Variants in RASGRP1 observed in about 807,000 individuals in gnomAD.
The protein encoded by RASGRP1 is RAS guanyl releasing protein 1, also known as RAS guanyl-releasing protein 1.
A neutral mutation model predicts 95.1 loss-of-function variants in RASGRP1; 37 were observed. That is an observed-to-expected ratio of 0.39 (90% CI 0.30 to 0.51). The LOEUF (loss-of-function observed/expected upper bound fraction) is 0.51. Among genes scored for constraint, RASGRP1 ranks in the 20% least tolerant of loss-of-function variants. The pLI is 0.80. For missense variants in RASGRP1, 711 were observed against 965.4 expected (o/e 0.74, Z 3.49); for synonymous variants, 325 against 353.4 (o/e 0.92, Z 0.90).
intron 3 of RASGRP1, among the ~76,000 whole-genome samples, chr15:38,521,271 T>G (rs1289481323): frequency 6.6e-6 from 1 of 152,210 alleles, no homozygotes; most frequent in Non-Finnish European, 1.5e-5. Flanking sequence ...TGTTGAAATT[T>G]TTATTCTTCC....
At chr15:38,500,816 A>G (rs1369632040) in intron 13 of RASGRP1, among the ~76,000 whole-genome samples, 5 of 152,222 alleles carry the variant, frequency 3.3e-5, no homozygotes, top group Non-Finnish European at 5.9e-5. Context: ...AGCCAAGGTT[A>G]TCTCCTAAAG....
chr15:38,564,512 G>C lies in RASGRP1; in HGVS notation c.35+82C>G, dbSNP rs529893737. The C allele has an allele frequency of 2.5e-4, 300 of 1,197,836 alleles. 1 individual carries two copies. The African/African-American group carries it at 4.4e-3, about 17-fold the overall frequency. 74.2% of individuals were successfully genotyped at this position (1,197,836 alleles called of 1,614,324 possible). ...CCCCCCTCCGCCCTCAACTTCCCTC[G>C]GGGTGTTGGGGCGACGGGCAGGGGC... On this transcript the variant is annotated intron_variant, in intron 1 of 16. Coordinates refer to ENST00000310803, the MANE Select transcript of RASGRP1 (RefSeq NM_005739.4).
chr15:38,558,758 A>G (rs1025410920), intron 2 of RASGRP1, among the ~76,000 whole-genome samples: 1 of 152,240 alleles, frequency 6.6e-6, no homozygotes, highest in African/African-American at 2.4e-5. Flanking sequence ...GCTGTACTAC[A>G]TTGTACTAAA....
intron 2 of RASGRP1, among the ~76,000 whole-genome samples, chr15:38,554,253 G>C (rs1566938130): frequency 6.6e-6 from 1 of 152,098 alleles, no homozygotes; most frequent in East Asian, 1.9e-4. Flanking sequence ...TAACTTCCCT[G>C]AGCTACAATT....
intron 2 of RASGRP1, among the ~76,000 whole-genome samples, chr15:38,549,254 AGT>A (rs2141181300): frequency 6.6e-6 from 1 of 152,346 alleles, no homozygotes; most frequent in South Asian, 2.1e-4. Context: ...AAGGGCAGAG[AGT>A]GTGAAAAATC....
At chr15:38,520,190 T>C (rs1891948058) in intron 3 of RASGRP1, among the ~76,000 whole-genome samples, 1 of 152,210 alleles carries the variant, frequency 6.6e-6, no homozygotes, top group Admixed American at 6.5e-5. Context: ...GACTGAGGCA[T>C]CAGGCTATGT....
At chr15:38,553,885 C>T (rs1320468706) in intron 2 of RASGRP1, among the ~76,000 whole-genome samples, 1 of 152,192 alleles carries the variant, frequency 6.6e-6, no homozygotes. Flanking sequence ...GTTCACATAG[C>T]TGAAAAACCT....
chr15:38,507,696 T>C, intron 9 of RASGRP1, 30 bp downstream of exon 9: 2 of 1,547,060 alleles, frequency 1.3e-6, no homozygotes, highest in Non-Finnish European at 1.7e-6. Flanking sequence ...CAGAAAGTGC[T>C]TAGTAATTGT....
intron 5 of RASGRP1, 34 bp from the exon 6 acceptor site, chr15:38,516,384 G>A (rs1452994743): frequency 6.3e-7 from 1 of 1,589,148 alleles, no homozygotes; most frequent in East Asian, 2.2e-5. Context: ...GAGAAGACAG[G>A]GAAAAGGAAT....
At chr15:38,554,070 G>A (rs1163379548) in intron 2 of RASGRP1, among the ~76,000 whole-genome samples, 2 of 152,130 alleles carry the variant, frequency 1.3e-5, no homozygotes, top group Non-Finnish European at 2.9e-5. Flanking sequence ...GCAATCTCTG[G>A]GGTTGACTGT....
chr15:38,525,029 G>A (rs753721707), intron 3 of RASGRP1, among the ~76,000 whole-genome samples: 2 of 150,150 alleles, frequency 1.3e-5, no homozygotes, highest in Non-Finnish European at 3.0e-5. Flanking sequence ...GTGCAGTGGT[G>A]TGATCTCAGC....
At chr15:38,537,876 T>G (rs966641737) in intron 2 of RASGRP1, among the ~76,000 whole-genome samples, 3 of 152,176 alleles carry the variant, frequency 2.0e-5, no homozygotes, top group African/African-American at 4.8e-5. Flanking sequence ...GGAGAGCCAC[T>G]CTGAAGTGAG....
Position 38,513,572 on chromosome 15 carries a change from AATGGAG to A in RASGRP1, c.676-622_676-617del, listed in dbSNP as rs1339486999. ...CTACTCACCAACTGGAGCAGAGGCAAATGGAGTACTTAAAATTTGGTTAGCTATATG... is the reference window on the plus strand; with the variant it reads ...CTACTCACCAACTGGAGCAGAGGCAATACTTAAAATTTGGTTAGCTATATG... On this transcript the variant is annotated intron_variant, in intron 6 of 16. Coordinates refer to ENST00000310803, the MANE Select transcript of RASGRP1 (RefSeq NM_005739.4). Among the ~76,000 whole-genome samples the A allele has an allele frequency of 2.0e-4, 31 of 152,330 alleles. 1 individual carries two copies. Among genetic ancestry groups the A allele is most frequent in the African/African-American group, 7.2e-4 (30 of 41,564 alleles).
At chr15:38,557,186 T>A (rs186399045) in intron 2 of RASGRP1, among the ~76,000 whole-genome samples, 1 of 152,216 alleles carries the variant, frequency 6.6e-6, no homozygotes, top group Non-Finnish European at 1.5e-5. Flanking sequence ...TATTTTGCTA[T>A]GGGCTTTTCT....
intron 2 of RASGRP1, among the ~76,000 whole-genome samples, chr15:38,535,441 G>C (rs1892607563): frequency 6.6e-6 from 1 of 152,142 alleles, no homozygotes; most frequent in Non-Finnish European, 1.5e-5. Context: ...AATGTCCTTA[G>C]AAAGCCTAAT....
intron 2 of RASGRP1, among the ~76,000 whole-genome samples, chr15:38,542,295 G>A (rs1342177828): frequency 5.3e-5 from 8 of 152,056 alleles, no homozygotes; most frequent in African/African-American, 1.7e-4. Flanking sequence ...ACCAGTTACA[G>A]GTTTCTTTGT....
intron 15 of RASGRP1, among the ~76,000 whole-genome samples, chr15:38,498,416 C>G (rs1383688376): frequency 6.6e-6 from 1 of 152,102 alleles, no homozygotes; most frequent in Non-Finnish European, 1.5e-5. Flanking sequence ...ATTATATATA[C>G]ACACACATAT....
In RASGRP1 at chr15:38,511,705, G is replaced by A; in HGVS notation, c.865C>T (p.Gln289Ter). 2 of 1,613,344 alleles carry A rather than the reference G, an allele frequency of 1.2e-6. No individual in the cohort carries two copies. The highest frequency in any genetic ancestry group is 1.7e-6 in the Non-Finnish European group (2 of 1,179,392). ...ACAGCCATCAGTGTATTGAAGTTCT[G>A]TAGTTGGTGGAGCTTCTGTGACACA... ...IQVAQKLHQL[Q>*]NFNTLMAVIG... The change falls in exon 8 of 17, where the codon CAG (glutamine) becomes TAG (stop). Residue 289 changes from glutamine to a stop codon, truncating the protein, a stop_gained. Coordinates refer to ENST00000310803, the MANE Select transcript of RASGRP1 (RefSeq NM_005739.4). LOFTEE classifies it high-confidence loss of function.
chr15:38,546,916 G>A (rs1373626392), intron 2 of RASGRP1, among the ~76,000 whole-genome samples: 2 of 152,162 alleles, frequency 1.3e-5, no homozygotes, highest in African/African-American at 4.8e-5. Context: ...ACTTAAGTGC[G>A]AGACTTTACG....
Sources: gnomAD v4.1 joint callset for allele counts (sites outside exome capture counted in the v4.1 genomes callset) on GRCh38, gnomAD v4.1.1 for gene constraint, MANE v1.5 for transcripts, NCBI Gene and HGNC (gene_info 2026-07-23, HGNC 2026-07-21) for gene names.